The following LRRTM4 variants were observed in gnomAD, a reference collection of about 807,000 sequenced individuals.
LRRTM4 encodes leucine-rich repeat transmembrane neuronal protein 4.
A neutral mutation model predicts 47.6 loss-of-function variants in LRRTM4; 25 were observed. That is an observed-to-expected ratio of 0.53 (90% confidence interval 0.38 to 0.73). The LOEUF (loss-of-function observed/expected upper bound fraction) is 0.73. Among genes scored for constraint, LRRTM4 ranks in the 30% least tolerant of loss-of-function variants. The pLI is 0.00. For missense variants in LRRTM4, 638 were observed against 713.4 expected, an observed-to-expected ratio of 0.89 and a Z score of 1.20; for synonymous variants, 311 against 269.5, an observed-to-expected ratio of 1.15 and a Z score of -1.51.
intron 3 of LRRTM4, among the ~76,000 whole-genome samples, chr2:76,766,172 C>T (rs1036186650): frequency 6.6e-6 from 1 of 152,104 alleles, no homozygotes; most frequent in African/African-American, 2.4e-5. Flanking sequence ...CTTCTTTCTC[C>T]ATTACATAGT....
chr2:76,798,539 A>T (rs1420345115), intron 3 of LRRTM4, among the ~76,000 whole-genome samples: 2 of 150,602 alleles, frequency 1.3e-5, no homozygotes, highest in Non-Finnish European at 3.0e-5. Context: ...CAATTAAAAG[A>T]ACTAGAAAAG....
At chr2:77,047,709 T>G (rs1163923518) in intron 3 of LRRTM4, among the ~76,000 whole-genome samples, 1 of 152,058 alleles carries the variant, frequency 6.6e-6, no homozygotes, top group African/African-American at 2.4e-5. Context: ...ACATCGGCAA[T>G]GACTCCATTT....
At chr2:77,418,683 A>G (rs1426635704) in intron 3 of LRRTM4, among the ~76,000 whole-genome samples, 1 of 152,184 alleles carries the variant, frequency 6.6e-6, no homozygotes, top group Non-Finnish European at 1.5e-5. Flanking sequence ...TGCTGTTACC[A>G]GACCATAGCA....
intron 3 of LRRTM4, among the ~76,000 whole-genome samples, chr2:76,959,491 C>CT (rs1333808199): frequency 1.1e-5 from 1 of 92,118 alleles, no homozygotes; most frequent in Non-Finnish European, 1.9e-5. Flanking sequence ...AATTATCCAC[C>CT]TTTAAAAATG....
At chr2:77,339,075 C>T (rs1671272391) in intron 3 of LRRTM4, among the ~76,000 whole-genome samples, 1 of 151,336 alleles carries the variant, frequency 6.6e-6, no homozygotes, top group Non-Finnish European at 1.5e-5. Flanking sequence ...AAGTTGGGAA[C>T]AATAGATACA....
intron 3 of LRRTM4, among the ~76,000 whole-genome samples, chr2:77,307,564 AT>A (rs1012144442): frequency 2.2e-5 from 3 of 133,710 alleles, no homozygotes; most frequent in South Asian, 2.3e-4. Context: ...AGAAATATAA[AT>A]ATATAGATAT....
At chr2:76,990,982 A>G (rs990862152) in intron 3 of LRRTM4, among the ~76,000 whole-genome samples, 3 of 151,786 alleles carry the variant, frequency 2.0e-5, no homozygotes, top group Non-Finnish European at 2.9e-5. Context: ...ACAGAAATCA[A>G]TAACAAGAAG....
intron 3 of LRRTM4, among the ~76,000 whole-genome samples, chr2:77,056,076 A>G (rs1168151698): frequency 1.3e-5 from 2 of 148,782 alleles, no homozygotes; most frequent in Non-Finnish European, 3.0e-5. Flanking sequence ...GCTTTAGGAG[A>G]TATACCTAAT....
In LRRTM4 at chr2:77,133,389, G is replaced by A. The variant is rs1671852790; in HGVS notation, c.1552-384473C>T. 2.6e-5 allele frequency among the ~76,000 whole-genome samples: 4 copies of A among 152,002 alleles called. No homozygotes were observed. The South Asian group carries it at 8.3e-4, about 32-fold the overall frequency. ...AGTTTTGCTGTCTATGCCTAAATCT[G>A]CTAGTCATATCTGCAGATAATGGAT... On this transcript the variant is annotated intron_variant, in intron 3 of 3. Coordinates refer to ENST00000409884, the MANE Select transcript of LRRTM4 (RefSeq NM_001134745.3).
intron 3 of LRRTM4, among the ~76,000 whole-genome samples, chr2:77,088,173 A>C (rs1680789376): frequency 6.6e-6 from 1 of 152,196 alleles, no homozygotes; most frequent in Admixed American, 6.5e-5. Context: ...CTGTTTGTCA[A>C]AGTTTACTGC....
At chr2:77,502,308 A>G (rs1427160235) in intron 3 of LRRTM4, among the ~76,000 whole-genome samples, 1 of 151,398 alleles carries the variant, frequency 6.6e-6, no homozygotes, top group Non-Finnish European at 1.5e-5. Flanking sequence ...TTTTGCTTTT[A>G]TGTATTTTAT....
chr2:77,078,382 A>ACC (rs771238775), intron 3 of LRRTM4, among the ~76,000 whole-genome samples: 4 of 60,234 alleles, frequency 6.6e-5, no homozygotes, highest in African/African-American at 6.2e-4. Flanking sequence ...ACACACACCC[A>ACC]CACACACACA....
At chr2:76,844,325 C>T (rs557377762) in intron 3 of LRRTM4, among the ~76,000 whole-genome samples, 124 of 150,808 alleles carry the variant, frequency 8.2e-4, no homozygotes, top group African/African-American at 2.6e-3. Context: ...TTGGTAGAGA[C>T]GAGGTTTCAC....
chr2:77,356,005 A>G (rs1319371385), intron 3 of LRRTM4, among the ~76,000 whole-genome samples: 1 of 152,208 alleles, frequency 6.6e-6, no homozygotes. Flanking sequence ...AGACAGGAGC[A>G]TCACTTGAGC....
intron 3 of LRRTM4, among the ~76,000 whole-genome samples, chr2:77,514,796 C>T (rs546913318): frequency 7.3e-5 from 11 of 151,614 alleles, no homozygotes; most frequent in East Asian, 1.9e-4. Flanking sequence ...ATATAAAGGC[C>T]GCTGCTACTT....
chr2:76,913,432 A>C (rs1172013933), intron 3 of LRRTM4, among the ~76,000 whole-genome samples: 1 of 151,936 alleles, frequency 6.6e-6, no homozygotes, highest in East Asian at 1.9e-4. Context: ...TCTTCTTGTT[A>C]ATTGGAAACC....
chr2:76,869,086 A>AG (rs1672549604), intron 3 of LRRTM4, among the ~76,000 whole-genome samples: 1 of 152,094 alleles, frequency 6.6e-6, no homozygotes, highest in Non-Finnish European at 1.5e-5. Flanking sequence ...CGAGGTGAGC[A>AG]GATCACGAGG....
At chr2:77,424,312 G>T (rs1199862273) in intron 3 of LRRTM4, among the ~76,000 whole-genome samples, 3 of 152,252 alleles carry the variant, frequency 2.0e-5, no homozygotes, top group South Asian at 2.1e-4. Flanking sequence ...AGAAAAAAAT[G>T]TTGAGAATTT....
intron 3 of LRRTM4, among the ~76,000 whole-genome samples, chr2:77,321,683 A>C (rs1436607729): frequency 6.6e-6 from 1 of 152,156 alleles, no homozygotes; most frequent in Non-Finnish European, 1.5e-5. Flanking sequence ...GATATTTTTA[A>C]CCATGCCAAA....
Sources: allele counts gnomAD v4.1 joint callset (sites outside exome capture counted in the v4.1 genomes callset), GRCh38; gene constraint gnomAD v4.1.1; transcripts MANE v1.5; gene names NCBI Gene and HGNC (gene_info 2026-07-23, HGNC 2026-07-21).